The following ANKFN1 variants were observed in gnomAD, a reference collection of about 807,000 sequenced individuals.
ANKFN1 encodes ankyrin repeat and fibronectin type-III domain-containing protein 1.
Under a neutral mutation model 108.7 loss-of-function variants are expected in ANKFN1, and 74 were observed. The observed-to-expected ratio is 0.68, with a 90% confidence interval of 0.56 to 0.83. The LOEUF is 0.83. ANKFN1 is among the 40% of genes least tolerant of loss of function. The pLI is 0.00. For synonymous variants in ANKFN1, 547 were observed against 516.2 expected (o/e 1.06, Z -0.81); for missense variants, 1,505 against 1,382.3 (o/e 1.09, Z -1.41).
intron 6 of ANKFN1, among the ~76,000 whole-genome samples, chr17:56,365,573 C>G (rs929845756): frequency 6.6e-6 from 1 of 152,178 alleles, no homozygotes; most frequent in Non-Finnish European, 1.5e-5. Context: ...AGCTATAGAA[C>G]CCCAAAGCCC....
chr17:56,217,014 C>T (rs1027347545), intron 2 of ANKFN1, among the ~76,000 whole-genome samples: 3 of 152,040 alleles, frequency 2.0e-5, no homozygotes, highest in Admixed American at 1.3e-4. Context: ...AAGCTTAAAC[C>T]CCACACTTAA....
chr17:56,180,523 CAGAGT>C (rs1404037727), intron 1 of ANKFN1, among the ~76,000 whole-genome samples: 2 of 152,138 alleles, frequency 1.3e-5, no homozygotes, highest in African/African-American at 2.4e-5. Context: ...TGAAAATCAC[CAGAGT>C]AAAGTATTTG....
At chr17:56,423,320 C>A (rs546973083) in intron 8 of ANKFN1, among the ~76,000 whole-genome samples, 156 of 152,146 alleles carry the variant, frequency 1.0e-3, no homozygotes, top group Non-Finnish European at 1.9e-3. Flanking sequence ...AATTCCTACT[C>A]CTACTAGCTA....
At chr17:56,379,489 T>C (rs2047035377) in intron 8 of ANKFN1, among the ~76,000 whole-genome samples, 1 of 152,212 alleles carries the variant, frequency 6.6e-6, no homozygotes, top group South Asian at 2.1e-4. Flanking sequence ...TGTATGTCCT[T>C]ACAAATTCTT....
chr17:56,426,003 G>C (rs533314835), intron 8 of ANKFN1, among the ~76,000 whole-genome samples: 1 of 152,278 alleles, frequency 6.6e-6, no homozygotes, highest in African/African-American at 2.4e-5. Flanking sequence ...AGTTGGATTT[G>C]ATTTCTTATC....
At chr17:56,193,936 A>G (rs1488712214) in intron 1 of ANKFN1, among the ~76,000 whole-genome samples, 2 of 152,272 alleles carry the variant, frequency 1.3e-5, no homozygotes, top group Non-Finnish European at 2.9e-5. Flanking sequence ...AGAAGAAAAC[A>G]TACAAGTTTA....
At chr17:56,504,601 A>G (rs1378771635) in intron 20 of ANKFN1, among the ~76,000 whole-genome samples, 1 of 152,164 alleles carries the variant, frequency 6.6e-6, no homozygotes, top group Non-Finnish European at 1.5e-5. Flanking sequence ...TTCTCTATTT[A>G]GGGTGAAGAG....
chr17:56,482,291 G>A (rs2050734289), intron 17 of ANKFN1, 65 bp from the exon 18 acceptor site: 1 of 1,374,066 alleles, frequency 7.3e-7, no homozygotes, highest in African/African-American at 1.5e-5. Flanking sequence ...TGCCAGTTTG[G>A]TGTTGTTTAT....
intron 3 of ANKFN1, among the ~76,000 whole-genome samples, chr17:56,262,200 C>T (rs1047472851): frequency 6.6e-6 from 1 of 152,118 alleles, no homozygotes; most frequent in Admixed American, 6.5e-5. Context: ...GCTCTACGAC[C>T]CTCTCCCCAA....
chr17:56,357,116 T>C (rs770760334), intron 6 of ANKFN1, among the ~76,000 whole-genome samples: 2 of 152,106 alleles, frequency 1.3e-5, no homozygotes, highest in Non-Finnish European at 2.9e-5. Flanking sequence ...AAAGGACAAA[T>C]GGTGGGAGAT....
At chr17:56,101,123 G>A (rs1263936915) in intron 4 of ANKFN1, among the ~76,000 whole-genome samples, 1 of 152,102 alleles carries the variant, frequency 6.6e-6, no homozygotes, top group East Asian at 1.9e-4. Context: ...GTGAACAGTA[G>A]GCTCTCACAA....
chr17:56,479,773 C>A (rs2050631024), intron 16 of ANKFN1, among the ~76,000 whole-genome samples: 2 of 152,206 alleles, frequency 1.3e-5, no homozygotes. Context: ...CTCTTTCCAT[C>A]CCCTGAGAGG....
chr17:56,088,879 C>T (rs1352747961), intron 4 of ANKFN1, among the ~76,000 whole-genome samples: 6 of 151,214 alleles, frequency 4.0e-5, no homozygotes, highest in African/African-American at 1.5e-4. Context: ...GTTATTGGCC[C>T]AGAGGGAAAA....
chr17:56,512,401 A>G lies in ANKFN1; in HGVS notation c.*1132A>G, dbSNP rs1273049788. ...TCTCCTTAGGTCAAATTTGCCTCAAAATCATCTGGCCCAATTGGCATCAGG... is the reference window on the plus strand; with the variant it reads ...TCTCCTTAGGTCAAATTTGCCTCAAGATCATCTGGCCCAATTGGCATCAGG... On this transcript the variant is annotated 3_prime_UTR_variant, in exon 21 of 21. Transcript: ENST00000682825. Among the ~76,000 whole-genome samples the G allele has an allele frequency of 1.3e-5, 2 of 152,202 alleles. No individual in the cohort carries two copies. Among genetic ancestry groups the G allele is most frequent in the African/African-American group, 4.8e-5 (2 of 41,458 alleles).
At chr17:56,378,203 C>T (rs562084593) in intron 8 of ANKFN1, among the ~76,000 whole-genome samples, 1 of 152,270 alleles carries the variant, frequency 6.6e-6, no homozygotes, top group South Asian at 2.1e-4. Flanking sequence ...CAGTTTCTTT[C>T]TCAGGAGAAG....
intron 4 of ANKFN1, among the ~76,000 whole-genome samples, chr17:56,131,798 G>A (rs1907299385): frequency 6.6e-6 from 1 of 152,136 alleles, no homozygotes; most frequent in African/African-American, 2.4e-5. Flanking sequence ...GGCCGAGACA[G>A]GATTTCTTGA....
At chr17:56,060,006 T>C (rs912372080) in intron 4 of ANKFN1, among the ~76,000 whole-genome samples, 1 of 152,228 alleles carries the variant, frequency 6.6e-6, no homozygotes, top group Non-Finnish European at 1.5e-5. Context: ...ATTGAATCTA[T>C]AAATTACTTT....
At chr17:56,507,309 G>A (rs1469125030) in intron 20 of ANKFN1, among the ~76,000 whole-genome samples, 1 of 152,108 alleles carries the variant, frequency 6.6e-6, no homozygotes, top group Non-Finnish European at 1.5e-5. Flanking sequence ...TTTAGCCCAG[G>A]TCTTTATACA....
At chr17:56,309,777 T>G (rs571015876) in intron 3 of ANKFN1, among the ~76,000 whole-genome samples, 32 of 152,338 alleles carry the variant, frequency 2.1e-4, no homozygotes, top group African/African-American at 7.5e-4. Context: ...CAACAATAAC[T>G]AATAATAAAA....
Sources: allele counts gnomAD v4.1 joint callset (sites outside exome capture counted in the v4.1 genomes callset), GRCh38; gene constraint gnomAD v4.1.1; transcripts MANE v1.5; gene names NCBI Gene and HGNC (gene_info 2026-07-23, HGNC 2026-07-21).